NAALADL2: variants seen among roughly 807,000 people sequenced by gnomAD.
The protein encoded by NAALADL2 is N-acetylated alpha-linked acidic dipeptidase like 2, also known as inactive N-acetylated-alpha-linked acidic dipeptidase-like protein 2.
In NAALADL2, 76 loss-of-function variants were observed where a neutral mutation model predicts 87.2. The observed-to-expected ratio is 0.87, with a 90% CI of 0.72 to 1.05. The LOEUF (loss-of-function observed/expected upper bound fraction) is 1.05. NAALADL2 is among the 50% of genes least tolerant of loss of function. NAALADL2 has a pLI of 0.00. For synonymous variants in NAALADL2, 354 were observed against 331.0 expected (o/e 1.07, Z -0.75); for missense variants, 1,089 against 945.8 (o/e 1.15, Z -1.99).
chr3:175,064,549 G>GTAGCC (rs1278982234), intron 1 of NAALADL2, among the ~76,000 whole-genome samples: 1 of 152,206 alleles, frequency 6.6e-6, no homozygotes, highest in Non-Finnish European at 1.5e-5. Flanking sequence ...CATCACTGGA[G>GTAGCC]TAGCCGTGGC....
At chr3:175,020,310 G>C (rs1447396459) in intron 1 of NAALADL2, among the ~76,000 whole-genome samples, 1 of 152,048 alleles carries the variant, frequency 6.6e-6, no homozygotes, top group Non-Finnish European at 1.5e-5. Flanking sequence ...GATGCGATCT[G>C]TGAGGAATTT....
chr3:175,277,447 G>A (rs1753746385), intron 4 of NAALADL2, among the ~76,000 whole-genome samples: 1 of 151,990 alleles, frequency 6.6e-6, no homozygotes, highest in South Asian at 2.1e-4. Flanking sequence ...GTAATGCTGT[G>A]GATCTAAAAA....
intron 9 of NAALADL2, among the ~76,000 whole-genome samples, chr3:175,559,902 T>C (rs1715993864): frequency 6.6e-6 from 1 of 152,200 alleles, no homozygotes; most frequent in Admixed American, 6.5e-5. Flanking sequence ...TTCCTTTCTC[T>C]TTTTATGTGT....
intron 3 of NAALADL2, among the ~76,000 whole-genome samples, chr3:174,767,122 G>A (rs1343873450): frequency 2.6e-5 from 4 of 152,190 alleles, no homozygotes; most frequent in Admixed American, 2.6e-4. Context: ...ATAGGCCTGA[G>A]TTTTCTGAGG....
chr3:174,937,572 G>A (rs1214403962), intron 1 of NAALADL2, among the ~76,000 whole-genome samples: 1 of 151,946 alleles, frequency 6.6e-6, no homozygotes, highest in Non-Finnish European at 1.5e-5. Context: ...AAACATGCAT[G>A]TACTAGGCAT....
chr3:174,689,604 C>CTA (rs758069203), intron 2 of NAALADL2, among the ~76,000 whole-genome samples: 4 of 151,932 alleles, frequency 2.6e-5, no homozygotes, highest in Non-Finnish European at 5.9e-5. Flanking sequence ...TAGTTCTCCT[C>CTA]TATATTATAG....
chr3:175,681,010 G>T (rs1735519798), intron 11 of NAALADL2, among the ~76,000 whole-genome samples: 4 of 152,174 alleles, frequency 2.6e-5, no homozygotes, highest in Admixed American at 2.0e-4. Context: ...CTACTCAGAA[G>T]GGTGAAGCAG....
chr3:175,556,252 C>T (rs1340537386), intron 9 of NAALADL2, among the ~76,000 whole-genome samples: 1 of 151,652 alleles, frequency 6.6e-6, no homozygotes, highest in Non-Finnish European at 1.5e-5. Context: ...GTCATGAAGA[C>T]GATTTAAAAA....
At chr3:174,538,400 G>T (rs1488968469) in intron 1 of NAALADL2, among the ~76,000 whole-genome samples, 2 of 152,080 alleles carry the variant, frequency 1.3e-5, no homozygotes, top group East Asian at 3.9e-4. Context: ...CATTCAAGCA[G>T]AGAACTCGAG....
chr3:174,444,611 T>G (rs1714903987), intron 1 of NAALADL2, among the ~76,000 whole-genome samples: 1 of 152,132 alleles, frequency 6.6e-6, no homozygotes, highest in Non-Finnish European at 1.5e-5. Context: ...AGGGATCTGA[T>G]GAGGAAGTTA....
chr3:175,623,662 G>A (rs1348324319), intron 10 of NAALADL2, among the ~76,000 whole-genome samples: 3 of 151,974 alleles, frequency 2.0e-5, no homozygotes, highest in African/African-American at 4.8e-5. Flanking sequence ...AAAGCAGAAA[G>A]AAGAGCTACA....
At chr3:174,731,177 A>G (rs761982736) in intron 2 of NAALADL2, among the ~76,000 whole-genome samples, 3 of 152,138 alleles carry the variant, frequency 2.0e-5, no homozygotes, top group African/African-American at 7.2e-5. Context: ...CAAATGCTTG[A>G]TTATCAGAGT....
chr3:174,995,369 T>A (rs567734633), intron 1 of NAALADL2, among the ~76,000 whole-genome samples: 5 of 152,242 alleles, frequency 3.3e-5, no homozygotes, highest in African/African-American at 1.2e-4. Flanking sequence ...ATTTAAAAAA[T>A]TTAAAACTTA....
At chr3:175,138,845 G>A (rs1261036354) in intron 2 of NAALADL2, among the ~76,000 whole-genome samples, 1 of 131,564 alleles carries the variant, frequency 7.6e-6, no homozygotes, top group Non-Finnish European at 1.5e-5. Context: ...ATGGGCAGAT[G>A]AATTGCACTA....
chr3:175,209,879 T>TA (rs1220570938), intron 2 of NAALADL2, among the ~76,000 whole-genome samples: 3 of 148,852 alleles, frequency 2.0e-5, no homozygotes, highest in Admixed American at 6.9e-5. Context: ...GTGCAGCATT[T>TA]AAAAAAATTA....
At chr3:175,648,557 T>C (rs1332294512) in intron 11 of NAALADL2, among the ~76,000 whole-genome samples, 1 of 151,880 alleles carries the variant, frequency 6.6e-6, no homozygotes, top group African/African-American at 2.4e-5. Flanking sequence ...ATACTTTAAT[T>C]TTGAATATGT....
At chr3:175,343,655 G>GT (rs113806607) in intron 5 of NAALADL2, among the ~76,000 whole-genome samples, 5,964 of 64,566 alleles carry the variant, frequency 0.092, 746 homozygotes, top group African/African-American at 0.15. Context: ...TCTTGATCAT[G>GT]TTTTTTTTTT....
At chr3:175,711,381 A>AT (rs1242674202) in intron 11 of NAALADL2, among the ~76,000 whole-genome samples, 3 of 151,850 alleles carry the variant, frequency 2.0e-5, no homozygotes, top group Admixed American at 6.6e-5. Flanking sequence ...CAAAGAATCA[A>AT]TTTTTTTAAA....
intron 3 of NAALADL2, among the ~76,000 whole-genome samples, chr3:174,836,534 T>C (rs1253534438): frequency 6.6e-6 from 1 of 152,040 alleles, no homozygotes; most frequent in East Asian, 1.9e-4. Context: ...ACCCCTTCTC[T>C]ACTAAAAATA....
Sources: gnomAD v4.1 joint callset for allele counts (sites outside exome capture counted in the v4.1 genomes callset) on GRCh38, gnomAD v4.1.1 for gene constraint, MANE v1.5 for transcripts, NCBI Gene and HGNC (gene_info 2026-07-23, HGNC 2026-07-21) for gene names.